AACS: variants seen among roughly 807,000 people sequenced by gnomAD.
AACS encodes acetoacetate-CoA ligase.
Under a neutral mutation model 83.1 loss-of-function variants are expected in AACS, and 69 were observed. That is an observed-to-expected ratio of 0.83 (90% CI 0.68 to 1.01). The LOEUF is 1.01. AACS is among the 50% of genes least tolerant of loss of function. AACS has a pLI of 0.00. For synonymous variants in AACS, 333 were observed against 343.4 expected, an observed-to-expected ratio of 0.97 and a Z score of 0.33; for missense variants, 866 against 882.2, an observed-to-expected ratio of 0.98 and a Z score of 0.23.
At position 125,130,241 on chromosome 12, in the gene AACS, T is replaced by C. The variant is rs1957311345; in HGVS notation, c.1549+781T>C. 6.6e-6 allele frequency among the ~76,000 whole-genome samples: 1 copy of C among 152,240 alleles called. No homozygotes were observed. Among genetic ancestry groups the C allele is most frequent in the Non-Finnish European group, 1.5e-5 (1 of 68,046 alleles). On this transcript the variant is annotated intron_variant, in intron 14 of 17. Transcript: ENST00000316519. This position sits in a 1 kb window ranked among gnomAD's most constrained non-coding sequence, Gnocchi z 4.9. ...GATTTGCCAGGTATCCTTCCTGCCT[T>C]GCGTGTTTGCGTTTCACCGTTAAAG... is the stretch of plus-strand genomic sequence containing the variant.
intron 3 of AACS, among the ~76,000 whole-genome samples, chr12:125,085,504 CAT>C (rs1956317970): frequency 6.6e-6 from 1 of 151,250 alleles, no homozygotes; most frequent in Non-Finnish European, 1.5e-5. Flanking sequence ...GTTGCATCCA[CAT>C]GTGTTTCATG....
intron 10 of AACS, chr12:125,124,452 T>C (rs1957210461): frequency 1.8e-6 from 1 of 542,700 alleles, no homozygotes; most frequent in Non-Finnish European, 3.3e-6. Context: ...GAGCGACTGT[T>C]TTATGTGACG....
intron 5 of AACS, among the ~76,000 whole-genome samples, chr12:125,093,814 G>T (rs1240024979): frequency 6.6e-6 from 1 of 152,218 alleles, no homozygotes; most frequent in Non-Finnish European, 1.5e-5. Flanking sequence ...GGAGACGGGG[G>T]TGTGTGTGAC....
In AACS at chr12:125,140,763, G is replaced by C. The variant is rs1214147328; in HGVS notation, c.1882-1329G>C. Reference sequence around the variant, plus strand: ...TAAATCTTGGAGCTCTGAATGTTTGGAAAGGGCCCGACTGTGAGAAGAAGT... The same window carrying C: ...TAAATCTTGGAGCTCTGAATGTTTGCAAAGGGCCCGACTGTGAGAAGAAGT... On this transcript the variant is annotated intron_variant, in intron 17 of 17. Coordinates refer to ENST00000316519, the MANE Select transcript of AACS (RefSeq NM_023928.5). The surrounding 1 kb of genome is among the most constrained non-coding windows in gnomAD (Gnocchi z 5.1). 1.3e-5 allele frequency: 2 copies of C among 152,194 alleles called. No homozygotes were observed. Among genetic ancestry groups the C allele is most frequent in the Non-Finnish European group, 2.9e-5 (2 of 68,050 alleles). 9.4% of individuals were successfully genotyped at this position (152,194 alleles called of 1,614,324 possible).
chr12:125,126,474 G>C (rs1957246813), intron 12 of AACS: 1 of 152,020 alleles, frequency 6.6e-6, no homozygotes, highest in Non-Finnish European at 1.5e-5. Context: ...AATGGGGCGA[G>C]AGCACCCCAT....
intron 10 of AACS, chr12:125,121,753 T>A (rs542708930): frequency 1.3e-5 from 2 of 152,286 alleles, no homozygotes; most frequent in East Asian, 3.9e-4. Context: ...TCTAAGATGG[T>A]TCTAGAGGGC....
chr12:125,067,695 G>C (rs1441925522), intron 1 of AACS, among the ~76,000 whole-genome samples: 1 of 152,014 alleles, frequency 6.6e-6, no homozygotes, highest in Non-Finnish European at 1.5e-5. Context: ...CACTATGCCC[G>C]GCTAATTTTT....
At chr12:125,073,127 A>G (rs541475024) in intron 1 of AACS, among the ~76,000 whole-genome samples, 166 of 151,840 alleles carry the variant, frequency 1.1e-3, no homozygotes, top group African/African-American at 3.9e-3. Flanking sequence ...ATGGGGTTTC[A>G]CTATTTTGGC....
intron 14 of AACS, 28 bp from the exon 15 acceptor site, chr12:125,133,975 T>C (rs779580037): frequency 2.5e-6 from 4 of 1,613,532 alleles, no homozygotes; most frequent in South Asian, 1.1e-5. Flanking sequence ...CTCCTCGGGA[T>C]GACCGGGCAC....
chr12:125,116,131 C>G (rs1190138312), intron 9 of AACS, among the ~76,000 whole-genome samples: 2 of 152,192 alleles, frequency 1.3e-5, no homozygotes, highest in African/African-American at 4.8e-5. Flanking sequence ...GCCCCACCCC[C>G]ACCATGGACC....
intron 1 of AACS, among the ~76,000 whole-genome samples, chr12:125,068,247 A>G (rs1955758525): frequency 6.6e-6 from 1 of 152,174 alleles, no homozygotes; most frequent in Non-Finnish European, 1.5e-5. Flanking sequence ...TTTTGAGCCT[A>G]GGAGTTTGAG....
intron 5 of AACS, among the ~76,000 whole-genome samples, chr12:125,100,381 T>A (rs182599319): frequency 5.3e-5 from 8 of 152,364 alleles, no homozygotes; most frequent in African/African-American, 1.4e-4. Flanking sequence ...TAATTTTGAG[T>A]GTAGTTTACT....
chr12:125,102,727 G>A lies in AACS; in HGVS notation c.619G>A (p.Val207Met), dbSNP rs374884365. ...AATTCAGCCAAAGCTCATCTTCTCT[G>A]TGGAGGCTGTTGTCTATAATGGCAA... ...SQIQPKLIFS[V>M]EAVVYNGKEH... The change falls in exon 6 of 18, where the codon GTG becomes ATG. Residue 207 changes from valine (V) to methionine (M), a missense_variant. By Grantham distance (21) the Val-to-Met change is conservative. Transcript: ENST00000316519. 5.1e-5 allele frequency: 83 copies of A among 1,614,054 alleles called. No homozygotes were observed. Among genetic ancestry groups the A allele is most frequent in the Non-Finnish European group, 1.6e-5 (19 of 1,180,036 alleles).
At chr12:125,088,719 A>G (rs1429322997) in intron 4 of AACS, among the ~76,000 whole-genome samples, 2 of 152,170 alleles carry the variant, frequency 1.3e-5, no homozygotes, top group African/African-American at 4.8e-5. Flanking sequence ...GAGAGACAAA[A>G]CAGGTTATAT....
chr12:125,069,526 G>C (rs1032006318), intron 1 of AACS, among the ~76,000 whole-genome samples: 2 of 152,190 alleles, frequency 1.3e-5, no homozygotes, highest in Non-Finnish European at 2.9e-5. Flanking sequence ...ATCCACGTGG[G>C]GCTCTGGGGT....
chr12:125,116,082 AC>A (rs894134210), intron 9 of AACS, among the ~76,000 whole-genome samples: 10 of 151,828 alleles, frequency 6.6e-5, no homozygotes, highest in African/African-American at 2.4e-4. Flanking sequence ...TCTACAACCC[AC>A]CCCTGTCCCC....
chr12:125,124,456 T>C (rs1009483661), intron 10 of AACS: 4 of 550,336 alleles, frequency 7.3e-6, no homozygotes, highest in Admixed American at 6.4e-5. Context: ...GACTGTTTTA[T>C]GTGACGCCTC....
Position 125,129,672 on chromosome 12 carries a change from C to G in AACS, c.1549+212C>G, listed in dbSNP as rs1431163024. On this transcript the variant is annotated intron_variant, in intron 14 of 17. Transcript: ENST00000316519. This position sits in a 1 kb window ranked among gnomAD's most constrained non-coding sequence, Gnocchi z 4.3. ...TGAAGCTATCGTGTGCAACTGCAAT[C>G]TGGTTTAGTTGAATCTCAGCCACCT... Among the ~76,000 whole-genome samples the G allele has an allele frequency of 1.3e-5, 2 of 152,152 alleles. No individual in the cohort carries two copies. The highest frequency in any genetic ancestry group is 4.8e-5 in the African/African-American group (2 of 41,422).
intron 5 of AACS, among the ~76,000 whole-genome samples, chr12:125,098,939 C>T (rs778768866): frequency 2.0e-5 from 3 of 152,072 alleles, no homozygotes; most frequent in Admixed American, 6.6e-5. Context: ...CACCCCGGGA[C>T]GTAGGTGGGG....
Sources: allele counts gnomAD v4.1 joint callset (sites outside exome capture counted in the v4.1 genomes callset), GRCh38; gene constraint gnomAD v4.1.1; non-coding constraint Gnocchi (gnomAD v3.1); transcripts MANE v1.5; gene names NCBI Gene and HGNC (gene_info 2026-07-23, HGNC 2026-07-21).